The following GADL1 variants were observed in gnomAD, a reference collection of about 807,000 sequenced individuals.
GADL1 encodes the protein GAD like acidic amino acid decarboxylase 1.
In GADL1, 71 loss-of-function variants were observed where a neutral mutation model predicts 69.5. That is an observed-to-expected ratio of 1.02 (90% CI 0.84 to 1.25). The LOEUF is 1.25. Ranked by LOEUF, GADL1 falls within the 50% of genes most tolerant of loss-of-function variation. GADL1 has a pLI of 0.00. For synonymous variants in GADL1, 254 were observed against 214.4 expected, an observed-to-expected ratio of 1.18 and a Z score of -1.62; for missense variants, 737 against 631.8, an observed-to-expected ratio of 1.17 and a Z score of -1.79.
At chr3:30,844,348 C>T (rs1179010034) in intron 7 of GADL1, 39 bp downstream of exon 7, 42 of 1,574,552 alleles carry the variant, frequency 2.7e-5, no homozygotes, top group Non-Finnish European at 3.3e-5. Context: ...ATAAACTTTT[C>T]CCTCCACCCA....
At chr3:30,735,516 A>T (rs1695529497) in intron 14 of GADL1, among the ~76,000 whole-genome samples, 1 of 152,230 alleles carries the variant, frequency 6.6e-6, no homozygotes, top group South Asian at 2.1e-4. Flanking sequence ...GATTATGCTA[A>T]CAGAAAGAAG....
At chr3:30,884,374 G>A (rs1559369026) in intron 1 of GADL1, among the ~76,000 whole-genome samples, 1 of 151,944 alleles carries the variant, frequency 6.6e-6, no homozygotes, top group Non-Finnish European at 1.5e-5. Context: ...TTCCCTTCCT[G>A]TGCAAGTCTG....
intron 11 of GADL1, 141 bp from the exon 12 acceptor site, chr3:30,801,229 A>T: frequency 1.5e-6 from 1 of 646,324 alleles, no homozygotes; most frequent in South Asian, 1.9e-5. Context: ...CATCAGACAC[A>T]ATCAGTGTAC....
Position 30,727,368 on chromosome 3 carries a change from T to A in GADL1, c.*874A>T, listed in dbSNP as rs1382832825. 2.7e-5 allele frequency: 4 copies of A among 149,728 alleles called. No individual in the cohort carries two copies. The highest frequency in any genetic ancestry group is 3.0e-5 in the Non-Finnish European group (2 of 67,548). The allele number at this position is 149,728 out of a possible 1,614,324, so 9.3% of individuals were successfully genotyped here. A position where few individuals can be genotyped will look rare whatever the true frequency, so the allele number is the denominator to read the frequency against. ...GAACCTGTATTTTTCTGTCAATTAT[T>A]GTGCTTTCAATTATTGTGCTTTGAA... On this transcript the variant is annotated 3_prime_UTR_variant, in exon 15 of 15. Coordinates refer to ENST00000282538, the MANE Select transcript of GADL1 (RefSeq NM_207359.3).
chr3:30,750,900 A>G lies in GADL1; in HGVS notation c.1393-22485T>C, dbSNP rs528168804. Among the ~76,000 whole-genome samples the G allele has an allele frequency of 8.5e-5, 13 of 152,284 alleles. 1 individual carries two copies. In the South Asian group the frequency reaches 2.7e-3, roughly 32 times the overall value. On this transcript the variant is annotated intron_variant, in intron 14 of 14. Transcript: ENST00000282538. ...TATAATAAAGCATTATACATTTTAA[A>G]TATTTTTGAAAGACAGAGGACATTA...
At chr3:30,763,063 GAT>G (rs1338510325) in intron 14 of GADL1, among the ~76,000 whole-genome samples, 2 of 152,160 alleles carry the variant, frequency 1.3e-5, no homozygotes, top group African/African-American at 4.8e-5. Flanking sequence ...TCCATATACT[GAT>G]ATCATTTTAG....
intron 14 of GADL1, among the ~76,000 whole-genome samples, chr3:30,766,792 G>C (rs1303510824): frequency 6.6e-6 from 1 of 152,128 alleles, no homozygotes; most frequent in Non-Finnish European, 1.5e-5. Context: ...TAAGAAGGTT[G>C]AGTAAATCAG....
chr3:30,756,812 C>G (rs1248910102), intron 14 of GADL1, among the ~76,000 whole-genome samples: 1 of 152,118 alleles, frequency 6.6e-6, no homozygotes, highest in Non-Finnish European at 1.5e-5. Flanking sequence ...TGGCTTGTCT[C>G]TCTTACACTT....
chr3:30,836,962 G>A (rs1329168357), intron 9 of GADL1, among the ~76,000 whole-genome samples: 3 of 152,018 alleles, frequency 2.0e-5, no homozygotes, highest in Non-Finnish European at 4.4e-5. Flanking sequence ...ATTGAAGACA[G>A]TATCAAATGT....
intron 13 of GADL1, among the ~76,000 whole-genome samples, chr3:30,780,999 C>T (rs555641716): frequency 6.6e-6 from 1 of 152,136 alleles, no homozygotes; most frequent in African/African-American, 2.4e-5. Context: ...CAGAGTAAAT[C>T]ATTTGTATAC....
At chr3:30,809,496 G>A (rs1055013916) in intron 11 of GADL1, among the ~76,000 whole-genome samples, 1 of 152,064 alleles carries the variant, frequency 6.6e-6, no homozygotes, top group African/African-American at 2.4e-5. Context: ...TGATATAAAC[G>A]CTTGCTTCTA....
At chr3:30,759,512 G>A (rs984711735) in intron 14 of GADL1, among the ~76,000 whole-genome samples, 3 of 152,122 alleles carry the variant, frequency 2.0e-5, no homozygotes, top group Non-Finnish European at 4.4e-5. Flanking sequence ...ATAGTGCTTG[G>A]CACAAAGCAT....
chr3:30,802,177 A>T (rs1697178040), intron 11 of GADL1, among the ~76,000 whole-genome samples: 1 of 152,084 alleles, frequency 6.6e-6, no homozygotes, highest in African/African-American at 2.4e-5. Flanking sequence ...AGTAACTGGT[A>T]TTTGGCTGCA....
intron 8 of GADL1, 34 bp downstream of exon 8, chr3:30,844,176 C>G: frequency 1.9e-6 from 3 of 1,577,274 alleles, no homozygotes; most frequent in Non-Finnish European, 1.7e-6. Context: ...CACACACACA[C>G]GTTCTCTCTC....
chr3:30,740,898 A>G (rs1695606732), intron 14 of GADL1, among the ~76,000 whole-genome samples: 1 of 143,280 alleles, frequency 7.0e-6, no homozygotes, highest in African/African-American at 2.6e-5. Context: ...ATACAAACAA[A>G]CATATATATA....
chr3:30,775,731 G>C (rs1696522612), intron 14 of GADL1, among the ~76,000 whole-genome samples: 1 of 152,156 alleles, frequency 6.6e-6, no homozygotes, highest in African/African-American at 2.4e-5. Context: ...TTTACTGTAT[G>C]ATCATCCATT....
At chr3:30,740,977 A>ATATATATTATATATTATATATTAC (rs1200975642) in intron 14 of GADL1, among the ~76,000 whole-genome samples, 1 of 127,536 alleles carries the variant, frequency 7.8e-6, no homozygotes, top group African/African-American at 3.5e-5. Context: ...TTATATATTA[A>ATATATATTATATATTATATATTAC]TATATATTAT....
At chr3:30,828,352 G>A (rs2125521008) in intron 11 of GADL1, among the ~76,000 whole-genome samples, 1 of 151,766 alleles carries the variant, frequency 6.6e-6, no homozygotes, top group East Asian at 1.9e-4. Flanking sequence ...GACCACACTG[G>A]GAAATGACAT....
At chr3:30,861,178 C>T (rs1207984917) in intron 2 of GADL1, among the ~76,000 whole-genome samples, 1 of 151,780 alleles carries the variant, frequency 6.6e-6, no homozygotes, top group Non-Finnish European at 1.5e-5. Context: ...TTTTTACATC[C>T]TTTTCCATCT....
Sources: allele counts gnomAD v4.1 joint callset (sites outside exome capture counted in the v4.1 genomes callset), GRCh38; gene constraint gnomAD v4.1.1; transcripts MANE v1.5; gene names NCBI Gene and HGNC (gene_info 2026-07-23, HGNC 2026-07-21).